Variants in RUNDC1 observed in about 807,000 individuals in gnomAD.
RUNDC1 encodes the protein RUN domain containing 1, also known as RUN domain-containing protein 1.
A neutral mutation model predicts 49.3 loss-of-function variants in RUNDC1; 31 were observed. The ratio of observed to expected loss-of-function variants is 0.63; its 90% CI spans 0.47 to 0.85. The LOEUF is 0.85. RUNDC1 is among the 40% of genes least tolerant of loss of function. RUNDC1 has a pLI of 0.00. For missense variants in RUNDC1, 715 were observed against 806.7 expected (o/e 0.89, Z 1.38); for synonymous variants, 347 against 348.6 (o/e 1.00, Z 0.05).
At position 42,991,649 on chromosome 17, in the gene RUNDC1, G is replaced by A; in HGVS notation, c.1775G>A (p.Ser592Asn). The A allele has an allele frequency of 6.2e-7, 1 of 1,614,054 alleles. No individual in the cohort carries two copies. Among genetic ancestry groups the A allele is most frequent in the Non-Finnish European group, 8.5e-7 (1 of 1,180,024 alleles). Residue 592 changes from serine to asparagine, a missense_variant, in exon 5 of 5, where the codon AGC becomes AAC. Coordinates refer to ENST00000361677, the MANE Select transcript of RUNDC1 (RefSeq NM_173079.5). The part of the protein sequence containing the change: ...SALNLLSRLS[S>N]LKFSLPVDLA... ...CTCAACCTGCTCAGTCGCCTCAGCA[G>A]CCTCAAGTTTAGCCTCCCTGTAGAT...
rs778845354 is a variant in RUNDC1 at position 42,980,843 on chromosome 17, G to A, written c.267G>A (p.Arg89=). 2.9e-5 allele frequency: 40 copies of A among 1,390,390 alleles called. No homozygotes were observed. The African/African-American group carries it at 5.9e-4, about 20-fold the overall frequency. The allele number at this position is 1,390,390 out of a possible 1,614,324, so 86.1% of individuals were successfully genotyped here. ...TLRRLRAERR[R]LDSALLALSS... ...GGCGGCTGCGGGCAGAGCGGCGGCG[G>A]CTGGACTCGGCGCTGCTGGCGCTGT... The change falls in exon 1 of 5, where the codon CGG becomes CGA. Residue 89 remains arginine (R), a synonymous_variant. Coordinates refer to ENST00000361677, the MANE Select transcript of RUNDC1 (RefSeq NM_173079.5).
In RUNDC1 at chr17:42,980,645, CGAAGAGGAGGAG is replaced by C. The variant is rs759734994; in HGVS notation, c.79_90del (p.Glu27_Glu30del). 1 of 1,601,824 alleles carries C rather than the reference CGAAGAGGAGGAG, an allele frequency of 6.2e-7. No individual in the cohort carries two copies. The highest frequency in any genetic ancestry group is 8.5e-7 in the Non-Finnish European group (1 of 1,176,600). On this transcript the variant is annotated inframe_deletion, in exon 1 of 5. Transcript: ENST00000361677. ...CGGCTGTTGGGCCAAAGGCGAAAGA[CGAAGAGGAGGAG>C]GAAGAGGAGCCGCTGCCACCGTGCG...
chr17:42,983,375 CTTTTTTTTTTT>C (rs1179147349), intron 1 of RUNDC1, among the ~76,000 whole-genome samples: 2 of 129,554 alleles, frequency 1.5e-5, no homozygotes, highest in Non-Finnish European at 1.6e-5. Context: ...TTTCTTTTTC[CTTTTTTTTTTT>C]TTTTTTTTTG....
chr17:42,987,418 A>G lies in RUNDC1; in HGVS notation c.657+4A>G, dbSNP rs779810195. 4 of 1,613,976 alleles carry G rather than the reference A, an allele frequency of 2.5e-6. No individual in the cohort carries two copies. Among genetic ancestry groups the G allele is most frequent in the Non-Finnish European group, 2.5e-6 (3 of 1,179,886 alleles). ...CGTGGTGTTGGAAAGACAGCGGGTGAGCAGACCCCAGAGGAACCTCCACCA... is the reference window on the plus strand; with the variant it reads ...CGTGGTGTTGGAAAGACAGCGGGTGGGCAGACCCCAGAGGAACCTCCACCA... On this transcript the variant is annotated splice_donor_region_variant and intron_variant, in intron 2 of 4. Transcript: ENST00000361677.
Position 42,990,349 on chromosome 17 carries a change from G to C in RUNDC1, c.889G>C (p.Gly297Arg), listed in dbSNP as rs772338809. 1 of 1,614,070 alleles carries C rather than the reference G, an allele frequency of 6.2e-7. No homozygotes were observed. ...EVGSPLQTGGGHCECKAGGKT... is the reference protein window; with the variant it reads ...EVGSPLQTGGRHCECKAGGKT... ...GGGAAGCCCCTTGCAGACAGGTGGT[G>C]GACACTGTGAGTGCAAGGCCGGTGG... The change falls in exon 4 of 5, where the codon GGA (glycine) becomes CGA (arginine). Residue 297 changes from glycine to arginine, a missense_variant. Physicochemically the swap from Gly to Arg is moderately radical, Grantham distance 125. This residue lies in a region of RUNDC1 where 425 missense variants were observed against 499.7 expected (regional missense o/e 0.85). Transcript: ENST00000361677.
chr17:42,980,880 G>A lies in RUNDC1; in HGVS notation c.304G>A (p.Ala102Thr). ...SALLALSSHF[A>T]QVQFRLRQVV... Reference sequence around the variant, plus strand: ...GCTGCTGGCGCTGTCCTCGCACTTCGCGCAGGTGCAGTTCCGCCTGCGCCA... The same window carrying A: ...GCTGCTGGCGCTGTCCTCGCACTTCACGCAGGTGCAGTTCCGCCTGCGCCA... Residue 102 changes from alanine to threonine, a missense_variant, in exon 1 of 5, where the codon GCG becomes ACG. Ala to Thr is a moderately conservative substitution (Grantham distance 58). Coordinates refer to ENST00000361677, the MANE Select transcript of RUNDC1 (RefSeq NM_173079.5). 4 of 1,500,244 alleles carry A rather than the reference G, an allele frequency of 2.7e-6. No homozygotes were observed. Among genetic ancestry groups the A allele is most frequent in the Non-Finnish European group, 3.5e-6 (4 of 1,131,324 alleles). 92.9% of individuals were successfully genotyped at this position (1,500,244 alleles called of 1,614,324 possible). A position where few individuals can be genotyped will look rare whatever the true frequency, so the allele number is the denominator to read the frequency against.
At position 42,994,589 on chromosome 17, in the gene RUNDC1, AG is replaced by A. The variant is rs2050284279; in HGVS notation, c.*2875del. ...TCCTCCCCTCACTTTGGGGAGGAGA[AG>A]GTATTTTCTACACAACTGCCAGAAA... On this transcript the variant is annotated 3_prime_UTR_variant, in exon 5 of 5. Coordinates refer to ENST00000361677, the MANE Select transcript of RUNDC1 (RefSeq NM_173079.5). Among the ~76,000 whole-genome samples the A allele has an allele frequency of 6.6e-6, 1 of 152,078 alleles. No individual in the cohort carries two copies. Among genetic ancestry groups the A allele is most frequent in the African/African-American group, 2.4e-5 (1 of 41,404 alleles).
At position 42,986,337 on chromosome 17, in the gene RUNDC1, G is replaced by A. The variant is rs1004001745; in HGVS notation, c.499-919G>A. On this transcript the variant is annotated intron_variant, in intron 1 of 4. Transcript: ENST00000361677. Reference sequence around the variant, plus strand: ...TCACTGTGTTGCCCAGGGTGGTCTCGAACTCCTGGGCTCAAGTGATTCTTT... The same window carrying A: ...TCACTGTGTTGCCCAGGGTGGTCTCAAACTCCTGGGCTCAAGTGATTCTTT... Among the ~76,000 whole-genome samples the A allele has an allele frequency of 5.9e-4, 89 of 151,912 alleles. 1 individual carries two copies. The highest frequency in any genetic ancestry group is 5.5e-3 in the Admixed American group (84 of 15,254).
intron 2 of RUNDC1, among the ~76,000 whole-genome samples, chr17:42,988,114 C>CTT (rs1230032246): frequency 6.6e-6 from 1 of 152,112 alleles, no homozygotes; most frequent in African/African-American, 2.4e-5. Flanking sequence ...TCCAGACTGA[C>CTT]TTTAATACTG....
chr17:42,995,089 C>G lies in RUNDC1; in HGVS notation c.*3373C>G, dbSNP rs1399064935. Among the ~76,000 whole-genome samples the G allele has an allele frequency of 7.4e-6, 1 of 135,726 alleles. No homozygotes were observed. The highest frequency in any genetic ancestry group is 2.7e-5 in the African/African-American group (1 of 37,438). 89.0% of individuals were successfully genotyped at this position (135,726 alleles called of 152,430 possible). A position where few individuals can be genotyped will look rare whatever the true frequency, so the allele number is the denominator to read the frequency against. Reference sequence around the variant, plus strand: ...CAAACACAGTCTAGCAAAGGAGATACCATACCAATTGGAGATTTGGAGAGA... The same window carrying G: ...CAAACACAGTCTAGCAAAGGAGATAGCATACCAATTGGAGATTTGGAGAGA... On this transcript the variant is annotated 3_prime_UTR_variant, in exon 5 of 5. Coordinates refer to ENST00000361677, the MANE Select transcript of RUNDC1 (RefSeq NM_173079.5).
Position 42,991,062 on chromosome 17 carries a change from C to T in RUNDC1, c.1188C>T (p.Ala396=). The T allele has an allele frequency of 6.2e-7, 1 of 1,614,128 alleles. No individual in the cohort carries two copies. Among genetic ancestry groups the T allele is most frequent in the Non-Finnish European group, 8.5e-7 (1 of 1,180,022 alleles). ...CAGTGGACAGAGTGAAGCAGCTAGCCTTGAGGCAGCAGCCACATGACCATG... is the reference window on the plus strand; with the variant it reads ...CAGTGGACAGAGTGAAGCAGCTAGCTTTGAGGCAGCAGCCACATGACCATG... ...EVSVDRVKQL[A]LRQQPHDHVI... The change falls in exon 5 of 5, where the codon GCC becomes GCT. Residue 396 remains alanine, a synonymous_variant. Coordinates refer to ENST00000361677, the MANE Select transcript of RUNDC1 (RefSeq NM_173079.5).
chr17:42,990,971 C>T lies in RUNDC1; in HGVS notation c.1097C>T (p.Pro366Leu), dbSNP rs377624220. Residue 366 changes from proline (P) to leucine (L), a missense_variant, in exon 5 of 5, where the codon CCA becomes CTA. Around this residue, in one of 5 missense-constraint regions of RUNDC1, gnomAD observed 425 missense variants for 499.7 expected, o/e 0.85. Coordinates refer to ENST00000361677, the MANE Select transcript of RUNDC1 (RefSeq NM_173079.5). The stretch of plus-strand genomic sequence containing the variant: ...GGTTGTGCCACAGGCCAGATCCCTC[C>T]AACCCTGTGGCAGAGGGTCCAGGCT... ...QFGCATGQIP[P>L]TLWQRVQADR... 6.2e-7 allele frequency: 1 copy of T among 1,614,048 alleles called. No homozygotes were observed. The highest frequency in any genetic ancestry group is 1.3e-5 in the African/African-American group (1 of 74,940).
intron 1 of RUNDC1, among the ~76,000 whole-genome samples, chr17:42,985,035 A>G (rs139225521): frequency 2.6e-5 from 4 of 151,514 alleles, no homozygotes; most frequent in Non-Finnish European, 5.9e-5. Context: ...AGCTAGGATT[A>G]CAGGCACGTG....
chr17:42,984,205 G>A (rs992882937), intron 1 of RUNDC1, among the ~76,000 whole-genome samples: 1 of 151,624 alleles, frequency 6.6e-6, no homozygotes, highest in African/African-American at 2.4e-5. Context: ...CTGACTCCTG[G>A]GCTCAAGCCA....
At position 42,992,949 on chromosome 17, in the gene RUNDC1, C is replaced by T. The variant is rs2050264171; in HGVS notation, c.*1233C>T. 2 of 152,182 alleles carry T rather than the reference C, an allele frequency of 1.3e-5. No individual in the cohort carries two copies. Among genetic ancestry groups the T allele is most frequent in the African/African-American group, 4.8e-5 (2 of 41,450 alleles). 9.4% of individuals were successfully genotyped at this position (152,182 alleles called of 1,614,324 possible). A position where few individuals can be genotyped will look rare whatever the true frequency, so the allele number is the denominator to read the frequency against. Reference sequence around the variant, plus strand: ...GTTACTATGTTCTCCAGCAAGTAAACATTCCTCTGCTCACCTCCCAACAAG... The same window carrying T: ...GTTACTATGTTCTCCAGCAAGTAAATATTCCTCTGCTCACCTCCCAACAAG... On this transcript the variant is annotated 3_prime_UTR_variant, in exon 5 of 5. Transcript: ENST00000361677.
At chr17:42,983,249 C>T (rs922663787) in intron 1 of RUNDC1, among the ~76,000 whole-genome samples, 1 of 149,386 alleles carries the variant, frequency 6.7e-6, no homozygotes, top group Non-Finnish European at 1.5e-5. Context: ...GCTCAATCCA[C>T]CTACAAGTTG....
Position 42,980,618 on chromosome 17 carries a change from G to A in RUNDC1, c.42G>A (p.Val14=), listed in dbSNP as rs778582103. 1.9e-6 allele frequency: 3 copies of A among 1,608,688 alleles called. No individual in the cohort carries two copies. The highest frequency in any genetic ancestry group is 2.5e-6 in the Non-Finnish European group (3 of 1,179,072). ...VEAAAEPVTV[V]AAVGPKAKDE... ...CGGCTGCAGAGCCGGTAACGGTGGT[G>A]GCGGCTGTTGGGCCAAAGGCGAAAG... The change falls in exon 1 of 5, where the codon GTG becomes GTA. Residue 14 remains valine, a synonymous_variant. Transcript: ENST00000361677.
intron 2 of RUNDC1, among the ~76,000 whole-genome samples, chr17:42,988,510 C>T (rs2050199189): frequency 6.6e-6 from 1 of 152,068 alleles, no homozygotes; most frequent in South Asian, 2.1e-4. Context: ...GCCTTGGCCT[C>T]CCGAAGTGCT....
chr17:42,983,782 CT>C (rs1209005524), intron 1 of RUNDC1, among the ~76,000 whole-genome samples: 1 of 152,018 alleles, frequency 6.6e-6, no homozygotes, highest in African/African-American at 2.4e-5. Flanking sequence ...AGCGATTCTC[CT>C]GCCTCAGCTT....
Sources: allele counts gnomAD v4.1 joint callset (sites outside exome capture counted in the v4.1 genomes callset), GRCh38; gene constraint gnomAD v4.1.1; regional missense constraint gnomAD v4.1.1; transcripts MANE v1.5; gene names NCBI Gene and HGNC (gene_info 2026-07-23, HGNC 2026-07-21).